Variants in ABCC1 observed in about 807,000 individuals in gnomAD.
The protein encoded by ABCC1 is ATP binding cassette subfamily C member 1 (ABCC1 blood group), also known as multidrug resistance-associated protein 1.
In ABCC1, 83 loss-of-function variants were observed where a neutral mutation model predicts 172.9. That is an observed-to-expected ratio of 0.48 (90% CI 0.40 to 0.58). ABCC1 has a LOEUF of 0.58. Ranked by LOEUF, ABCC1 falls within the 20% of genes least tolerant of loss-of-function variation. The pLI, the probability that ABCC1 is intolerant of heterozygous loss-of-function variation, is 0.00. For missense variants in ABCC1, 1,817 were observed against 2,002.7 expected, an observed-to-expected ratio of 0.91 and a Z score of 1.77; for synonymous variants, 937 against 825.2, an observed-to-expected ratio of 1.14 and a Z score of -2.32.
chr16:16,104,012 G>A (rs549841105), intron 20 of ABCC1, among the ~76,000 whole-genome samples: 1 of 152,112 alleles, frequency 6.6e-6, no homozygotes, highest in South Asian at 2.1e-4. Flanking sequence ...AGACCTTCGC[G>A]GTAAGTGTTA....
At chr16:16,136,337 T>G in intron 28 of ABCC1, 141 bp from the exon 29 acceptor site, 1 of 968,912 alleles carries the variant, frequency 1.0e-6, no homozygotes, top group Non-Finnish European at 1.5e-6. Context: ...TTCTCCATTA[T>G]TAACATCTCC....
In ABCC1 at chr16:16,009,833, G is replaced by A; in HGVS notation, c.283G>A (p.Glu95Lys). ...CWADLFYSFWERSRGIFLAPV... is the reference protein window; with the variant it reads ...CWADLFYSFWKRSRGIFLAPV... ...GGCAGACCTCTTCTACTCTTTCTGG[G>A]AAAGAAGTCGGGGCATATTCCTGGC... is the stretch of plus-strand genomic sequence containing the variant. The change falls in exon 3 of 31, where the codon GAA (glutamate) becomes AAA (lysine). Residue 95 changes from glutamate (E) to lysine (K), a missense_variant. Glu to Lys is a moderately conservative substitution (Grantham distance 56). Transcript: ENST00000399410. The A allele has an allele frequency of 2.5e-6, 4 of 1,612,106 alleles. No individual in the cohort carries two copies. The highest frequency in any genetic ancestry group is 3.4e-6 in the Non-Finnish European group (4 of 1,179,326).
intron 1 of ABCC1, among the ~76,000 whole-genome samples, chr16:15,963,732 AG>A (rs2046187275): frequency 6.6e-6 from 1 of 152,088 alleles, no homozygotes; most frequent in Non-Finnish European, 1.5e-5. Context: ...TGCACACATC[AG>A]GGGGGCCCTG....
intron 7 of ABCC1, among the ~76,000 whole-genome samples, chr16:16,040,676 A>G (rs539391782): frequency 6.6e-6 from 1 of 151,722 alleles, no homozygotes; most frequent in South Asian, 2.1e-4. Context: ...ATGTATAGAG[A>G]CAGGTCTCAC....
chr16:15,980,576 TG>T (rs1007462667), intron 1 of ABCC1, among the ~76,000 whole-genome samples: 48 of 152,134 alleles, frequency 3.2e-4, no homozygotes, highest in African/African-American at 1.1e-3. Flanking sequence ...CTCACTATAA[TG>T]AGAACAGCAT....
Position 16,048,139 on chromosome 16 carries a change from C to T in ABCC1, c.1219-3C>T, listed in dbSNP as rs2049292246. On this transcript the variant is annotated splice_region_variant and splice_polypyrimidine_tract_variant and intron_variant, in intron 9 of 30. Coordinates refer to ENST00000399410, the MANE Select transcript of ABCC1 (RefSeq NM_004996.4). Reference sequence around the variant, plus strand: ...CCCACCTTCCCTCTCCTTTGTCCCACAGGCCCTGGTGATCACCAATTCAGC... The same window carrying T: ...CCCACCTTCCCTCTCCTTTGTCCCATAGGCCCTGGTGATCACCAATTCAGC... The T allele has an allele frequency of 6.2e-7, 1 of 1,614,056 alleles. No individual in the cohort carries two copies. Among genetic ancestry groups the T allele is most frequent in the Non-Finnish European group, 8.5e-7 (1 of 1,179,962 alleles).
chr16:16,064,879 A>G (rs961038907), intron 12 of ABCC1, among the ~76,000 whole-genome samples: 6 of 152,262 alleles, frequency 3.9e-5, no homozygotes, highest in Admixed American at 1.3e-4. Flanking sequence ...AATAGGCACA[A>G]TAAATAAATC....
intron 13 of ABCC1, 99 bp downstream of exon 13, chr16:16,068,401 C>A: frequency 7.1e-7 from 1 of 1,412,978 alleles, no homozygotes. Context: ...AGATCACACT[C>A]CCGGTCGGGC....
At chr16:16,088,754 G>A (rs982473857) in intron 18 of ABCC1, among the ~76,000 whole-genome samples, 5 of 151,736 alleles carry the variant, frequency 3.3e-5, no homozygotes, top group Admixed American at 6.6e-5. Flanking sequence ...TGTTGTCCAG[G>A]CTGGAGTGCA....
chr16:16,125,114 C>T (rs2045372620), intron 25 of ABCC1, among the ~76,000 whole-genome samples, 199 bp downstream of exon 25: 1 of 152,152 alleles, frequency 6.6e-6, no homozygotes, highest in South Asian at 2.1e-4. Context: ...CAGGATTTTC[C>T]CCATCAGTCA....
At chr16:16,072,467 G>A (rs2050387077) in intron 14 of ABCC1, among the ~76,000 whole-genome samples, 1 of 149,106 alleles carries the variant, frequency 6.7e-6, no homozygotes, top group African/African-American at 2.5e-5. Flanking sequence ...TTATAGGCAT[G>A]AGCCAGTTCT....
At position 16,056,273 on chromosome 16, in the gene ABCC1, C is replaced by G; in HGVS notation, c.1655C>G (p.Thr552Ser). ...TACCTGTCAGCCGTGGGCACCTTCACCTGGGTCTGCACGCCCTTTCTGGTG... is the reference window on the plus strand; with the variant it reads ...TACCTGTCAGCCGTGGGCACCTTCAGCTGGGTCTGCACGCCCTTTCTGGTG... ...SAYLSAVGTF[T>S]WVCTPFLVAL... is the part of the protein sequence containing the mutation. The change falls in exon 12 of 31, where the codon ACC becomes AGC. Residue 552 changes from threonine (T) to serine (S), a missense_variant. By Grantham distance (58) the Thr-to-Ser change is moderately conservative. Coordinates refer to ENST00000399410, the MANE Select transcript of ABCC1 (RefSeq NM_004996.4). 6.2e-7 allele frequency: 1 copy of G among 1,614,226 alleles called. No homozygotes were observed. Among genetic ancestry groups the G allele is most frequent in the Non-Finnish European group, 8.5e-7 (1 of 1,180,042 alleles).
At chr16:16,009,203 C>T (rs1052924040) in intron 2 of ABCC1, among the ~76,000 whole-genome samples, 7 of 152,108 alleles carry the variant, frequency 4.6e-5, no homozygotes, top group African/African-American at 1.4e-4. Context: ...CAGTGATCCT[C>T]CTGCCTCGGC....
At chr16:15,985,665 G>A (rs558733658) in intron 1 of ABCC1, among the ~76,000 whole-genome samples, 3 of 152,042 alleles carry the variant, frequency 2.0e-5, no homozygotes, top group Non-Finnish European at 4.4e-5. Context: ...GGCTGGTCTC[G>A]AACTCCTGAC....
chr16:15,963,970 GTCTC>G (rs1022622980), intron 1 of ABCC1, among the ~76,000 whole-genome samples: 1 of 150,678 alleles, frequency 6.6e-6, no homozygotes, highest in Non-Finnish European at 1.5e-5. Context: ...TTGAGATGGA[GTCTC>G]TCTCTGTTGC....
rs1400062735 is a variant in ABCC1 at position 16,138,504 on chromosome 16, A to T, written c.4433A>T (p.Asp1478Val). ...TCCACCATCCGGACACAGTTCGAGGACTGCACCGTCCTCACCATCGCCCAC... is the reference window on the plus strand; with the variant it reads ...TCCACCATCCGGACACAGTTCGAGGTCTGCACCGTCCTCACCATCGCCCAC... ...IQSTIRTQFE[D>V]CTVLTIAHRL... is the part of the protein sequence containing the mutation. Residue 1478 changes from aspartate (D) to valine (V), a missense_variant, in exon 30 of 31, where the codon GAC becomes GTC. Physicochemically the swap from Asp to Val is radical, Grantham distance 152. Around this residue, in one of 3 missense-constraint regions of ABCC1, gnomAD observed 1,412 missense variants for 1,600.3 expected, o/e 0.88. Transcript: ENST00000399410. 6.8e-6 allele frequency: 11 copies of T among 1,611,700 alleles called. No homozygotes were observed. The highest frequency in any genetic ancestry group is 8.5e-6 in the Non-Finnish European group (10 of 1,178,376).
At position 16,106,873 on chromosome 16, in the gene ABCC1, G is replaced by GGT; in HGVS notation, c.2871+2_2871+3dup. 1 of 1,614,058 alleles carries GGT rather than the reference G, an allele frequency of 6.2e-7. No homozygotes were observed. Among genetic ancestry groups the GGT allele is most frequent in the Non-Finnish European group, 8.5e-7 (1 of 1,179,980 alleles). The stretch of plus-strand genomic sequence containing the variant: ...AGGCTGACAAGGCGCAGACAGGGCA[G>GGT]GTGAGATTCGCTCCTTAAGTGATGA... On this transcript the variant is annotated frameshift_variant and splice_region_variant. Transcript: ENST00000399410. LOFTEE classifies it high-confidence loss of function.
Position 16,141,323 on chromosome 16 carries a change from A to G in ABCC1, c.*42A>G, listed in dbSNP as rs749247062. On this transcript the variant is annotated 3_prime_UTR_variant, in exon 31 of 31. Coordinates refer to ENST00000399410, the MANE Select transcript of ABCC1 (RefSeq NM_004996.4). Reference sequence around the variant, plus strand: ...ATCTGGTCAGAACTGCAGGGCCTATATGCCAGCGCCCAGGGAGGAGTCAGT... The same window carrying G: ...ATCTGGTCAGAACTGCAGGGCCTATGTGCCAGCGCCCAGGGAGGAGTCAGT... 3 of 1,584,076 alleles carry G rather than the reference A, an allele frequency of 1.9e-6. No homozygotes were observed. The highest frequency in any genetic ancestry group is 1.1e-5 in the South Asian group (1 of 90,364).
intron 19 of ABCC1, among the ~76,000 whole-genome samples, chr16:16,093,323 C>A (rs1157976748): frequency 2.6e-5 from 4 of 152,094 alleles, no homozygotes; most frequent in Admixed American, 6.6e-5. Context: ...CTCTACCCTT[C>A]CGTCCAGGTG....
Sources: allele counts gnomAD v4.1 joint callset (sites outside exome capture counted in the v4.1 genomes callset), GRCh38; gene constraint gnomAD v4.1.1; regional missense constraint gnomAD v4.1.1; transcripts MANE v1.5; gene names NCBI Gene and HGNC (gene_info 2026-07-23, HGNC 2026-07-21).